The following ADCY2 variants were observed in gnomAD, a reference collection of about 807,000 sequenced individuals.
ADCY2 encodes the protein adenylate cyclase type 2.
A neutral mutation model predicts 125.2 loss-of-function variants in ADCY2; 31 were observed. That is an observed-to-expected ratio of 0.25 (90% CI 0.19 to 0.33). ADCY2 has a LOEUF of 0.33. Among genes scored for constraint, ADCY2 ranks in the 10% least tolerant of loss-of-function variants. The pLI is 1.00. For missense variants in ADCY2, 904 were observed against 1,418.2 expected, an observed-to-expected ratio of 0.64 and a Z score of 5.82; for synonymous variants, 512 against 548.4, an observed-to-expected ratio of 0.93 and a Z score of 0.93.
intron 18 of ADCY2, among the ~76,000 whole-genome samples, chr5:7,783,564 C>A (rs1743986658): frequency 6.6e-6 from 1 of 152,102 alleles, no homozygotes; most frequent in African/African-American, 2.4e-5. Flanking sequence ...GACACACAAG[C>A]AGAAAGTGAT....
At chr5:7,675,633 G>A (rs921209311) in intron 4 of ADCY2, among the ~76,000 whole-genome samples, 1 of 152,162 alleles carries the variant, frequency 6.6e-6, no homozygotes, top group Admixed American at 6.5e-5. Flanking sequence ...TTAACCCTGC[G>A]ATCCCCTACC....
chr5:7,694,059 G>T (rs1370563068), intron 5 of ADCY2, among the ~76,000 whole-genome samples: 1 of 152,168 alleles, frequency 6.6e-6, no homozygotes. Context: ...CAGAGTGGAG[G>T]GTAAAGCTGT....
intron 11 of ADCY2, among the ~76,000 whole-genome samples, chr5:7,713,835 A>G (rs1741517343): frequency 6.6e-6 from 1 of 152,168 alleles, no homozygotes; most frequent in Admixed American, 6.5e-5. Context: ...CAGAGAGGTC[A>G]ATTTATTGGA....
At chr5:7,623,953 T>C (rs1738038485) in intron 3 of ADCY2, among the ~76,000 whole-genome samples, 1 of 152,134 alleles carries the variant, frequency 6.6e-6, no homozygotes, top group Admixed American at 6.5e-5. Flanking sequence ...GGAGATAAAA[T>C]ATAGATGCAT....
At chr5:7,779,532 A>G (rs1211998716) in intron 18 of ADCY2, among the ~76,000 whole-genome samples, 1 of 151,330 alleles carries the variant, frequency 6.6e-6, no homozygotes, top group Non-Finnish European at 1.5e-5. Flanking sequence ...TAATCAGGTC[A>G]CATGATTGTC....
At chr5:7,578,746 G>A (rs150689169) in intron 3 of ADCY2, among the ~76,000 whole-genome samples, 6 of 152,174 alleles carry the variant, frequency 3.9e-5, no homozygotes, top group African/African-American at 9.6e-5. Flanking sequence ...GTCAACCCAC[G>A]GTGCCTGACA....
intron 19 of ADCY2, among the ~76,000 whole-genome samples, chr5:7,787,591 A>C (rs565954360): frequency 6.6e-6 from 1 of 152,168 alleles, no homozygotes; most frequent in Non-Finnish European, 1.5e-5. Flanking sequence ...AGCTACTTAC[A>C]TATAAGACAG....
chr5:7,548,396 T>TA (rs1735218111), intron 3 of ADCY2, among the ~76,000 whole-genome samples: 1 of 152,102 alleles, frequency 6.6e-6, no homozygotes, highest in Non-Finnish European at 1.5e-5. Flanking sequence ...CAGGTATATA[T>TA]ATCATAATGT....
In ADCY2 at chr5:7,410,259, T is replaced by A. The variant is rs114591371; in HGVS notation, c.211-4314T>A. Among the ~76,000 whole-genome samples the A allele has an allele frequency of 3.3e-3, 503 of 152,160 alleles. 3 individuals are homozygous for A. Among genetic ancestry groups the A allele is most frequent in the African/African-American group, 0.011 (459 of 41,522 alleles). On this transcript the variant is annotated intron_variant, in intron 1 of 24. Transcript: ENST00000338316. Reference sequence around the variant, plus strand: ...GTATTTCACTAAAATATAATTTTTTTAATTAAATAGAAAGGCAGTATTTTA... The same window carrying A: ...GTATTTCACTAAAATATAATTTTTTAAATTAAATAGAAAGGCAGTATTTTA...
At chr5:7,751,628 T>C (rs1742820744) in intron 15 of ADCY2, among the ~76,000 whole-genome samples, 1 of 152,210 alleles carries the variant, frequency 6.6e-6, no homozygotes. Context: ...TGGAAGCTTA[T>C]TGACACTTCC....
intron 2 of ADCY2, among the ~76,000 whole-genome samples, chr5:7,464,771 T>G (rs1459853420): frequency 6.6e-6 from 1 of 152,218 alleles, no homozygotes; most frequent in Admixed American, 6.5e-5. Flanking sequence ...GAGAAGTTGA[T>G]GGGATATTGT....
chr5:7,631,964 C>T (rs7706191), intron 4 of ADCY2, among the ~76,000 whole-genome samples: 19,978 of 152,114 alleles, frequency 0.13, 1,412 homozygotes, highest in South Asian at 0.19. Flanking sequence ...AATTGTTTTA[C>T]CCAATTGTCT....
intron 22 of ADCY2, among the ~76,000 whole-genome samples, chr5:7,811,740 T>TC (rs1325592823): frequency 6.6e-6 from 1 of 151,946 alleles, no homozygotes; most frequent in Non-Finnish European, 1.5e-5. Flanking sequence ...GCTCCCTCCT[T>TC]CCCCCAAATC....
intron 17 of ADCY2, among the ~76,000 whole-genome samples, chr5:7,769,033 C>T (rs781605551): frequency 4.6e-5 from 7 of 152,146 alleles, no homozygotes; most frequent in Non-Finnish European, 8.8e-5. Context: ...TTATGTGATG[C>T]CTGAAGTTGA....
chr5:7,468,526 A>G (rs894890993), intron 2 of ADCY2, among the ~76,000 whole-genome samples: 1 of 152,118 alleles, frequency 6.6e-6, no homozygotes, highest in Non-Finnish European at 1.5e-5. Context: ...TTTCAGTTTT[A>G]TGGAGTATAA....
intron 3 of ADCY2, among the ~76,000 whole-genome samples, chr5:7,605,954 T>C (rs1179809686): frequency 5.0e-5 from 6 of 120,548 alleles, no homozygotes; most frequent in African/African-American, 2.0e-4. Flanking sequence ...GGGTTTGTCA[T>C]AGATAGCTCT....
intron 2 of ADCY2, among the ~76,000 whole-genome samples, chr5:7,443,279 C>T (rs1741080816): frequency 6.6e-6 from 1 of 152,160 alleles, no homozygotes; most frequent in African/African-American, 2.4e-5. Flanking sequence ...ATCGGAACTT[C>T]AGTTTTATGC....
chr5:7,474,969 G>A (rs760340596), intron 2 of ADCY2, among the ~76,000 whole-genome samples: 20 of 152,198 alleles, frequency 1.3e-4, no homozygotes, highest in Non-Finnish European at 2.2e-4. Flanking sequence ...GGTATCCCTG[G>A]ACCTGGGCCA....
intron 3 of ADCY2, among the ~76,000 whole-genome samples, chr5:7,540,237 C>T (rs1031338688): frequency 6.6e-6 from 1 of 151,546 alleles, no homozygotes; most frequent in African/African-American, 2.4e-5. Context: ...GGTACTAGGC[C>T]AGGTGATGAA....
Sources: gnomAD v4.1 joint callset for allele counts (sites outside exome capture counted in the v4.1 genomes callset) on GRCh38, gnomAD v4.1.1 for gene constraint, MANE v1.5 for transcripts, NCBI Gene and HGNC (gene_info 2026-07-23, HGNC 2026-07-21) for gene names.